Variants in RBFOX1 observed in about 807,000 individuals in gnomAD.
RBFOX1 encodes RNA binding fox-1 homolog 1, also known as RNA binding protein fox-1 homolog 1.
RBFOX1 carries 8 observed loss-of-function variants against 57.7 expected under a neutral mutation model. That is an observed-to-expected ratio of 0.14 (90% confidence interval 0.08 to 0.25). RBFOX1 has a LOEUF of 0.25. RBFOX1 is among the 10% of genes least tolerant of loss of function. RBFOX1 has a pLI of 1.00. For synonymous variants in RBFOX1, 326 were observed against 222.4 expected, an observed-to-expected ratio of 1.47 and a Z score of -4.15; for missense variants, 611 against 548.5, an observed-to-expected ratio of 1.11 and a Z score of -1.14.
intron 4 of RBFOX1, among the ~76,000 whole-genome samples, chr16:5,885,927 G>A (rs1231580322): frequency 6.6e-6 from 1 of 152,112 alleles, no homozygotes; most frequent in Admixed American, 6.5e-5. Flanking sequence ...CTGGAGGAGG[G>A]TCCAGGTGGG....
chr16:6,939,446 C>A (rs78264411), intron 3 of RBFOX1, among the ~76,000 whole-genome samples: 1 of 149,956 alleles, frequency 6.7e-6, no homozygotes, highest in African/African-American at 2.5e-5. Flanking sequence ...CTGTTTTTAT[C>A]TGGGTTAATG....
At chr16:7,509,390 CTGTGTGTG>C (rs34760329) in intron 4 of RBFOX1, among the ~76,000 whole-genome samples, 345 of 145,086 alleles carry the variant, frequency 2.4e-3, no homozygotes, top group East Asian at 4.5e-3. Flanking sequence ...GAGCCAAGCC[CTGTGTGTG>C]TGTGTGTGTG....
chr16:5,743,842 C>T (rs2052871195), intron 3 of RBFOX1, among the ~76,000 whole-genome samples: 1 of 152,130 alleles, frequency 6.6e-6, no homozygotes, highest in Admixed American at 6.6e-5. Flanking sequence ...TGCACCCAGC[C>T]TTGCAATGAA....
intron 4 of RBFOX1, among the ~76,000 whole-genome samples, chr16:7,446,541 G>A (rs570722426): frequency 6.6e-6 from 1 of 152,244 alleles, no homozygotes; most frequent in South Asian, 2.1e-4. Context: ...GATGTTAATT[G>A]CATTTCTACC....
intron 3 of RBFOX1, among the ~76,000 whole-genome samples, chr16:5,816,108 T>C (rs1201205015): frequency 2.6e-5 from 4 of 152,110 alleles, no homozygotes; most frequent in African/African-American, 9.7e-5. Flanking sequence ...GGATGACGGG[T>C]AGCATTAGTT....
At chr16:6,785,738 A>C (rs73530747) in intron 3 of RBFOX1, among the ~76,000 whole-genome samples, 17 of 152,202 alleles carry the variant, frequency 1.1e-4, no homozygotes, top group African/African-American at 4.1e-4. Flanking sequence ...TGAAATACCA[A>C]TTCCACTATT....
intron 15 of RBFOX1, chr16:7,709,902 T>C (rs1483690728): frequency 9.4e-7 from 1 of 1,066,304 alleles, no homozygotes; most frequent in South Asian, 3.4e-5. Context: ...TGGCATGCAG[T>C]TTTCTGCTTG....
chr16:6,466,164 G>C (rs1022067265), intron 2 of RBFOX1, among the ~76,000 whole-genome samples: 1 of 151,494 alleles, frequency 6.6e-6, no homozygotes, highest in Non-Finnish European at 1.5e-5. Context: ...GGGAGGCAGA[G>C]GTTGCAAGTG....
intron 4 of RBFOX1, among the ~76,000 whole-genome samples, chr16:7,175,482 G>A (rs561324020): frequency 4.6e-5 from 7 of 152,152 alleles, no homozygotes; most frequent in Non-Finnish European, 1.0e-4. Context: ...GTGACAGGGA[G>A]CTGAGACTTT....
chr16:5,904,367 C>A (rs1463871521), intron 4 of RBFOX1, among the ~76,000 whole-genome samples: 1 of 152,114 alleles, frequency 6.6e-6, no homozygotes, highest in Non-Finnish European at 1.5e-5. Context: ...GCTGCTCCAT[C>A]ACTTGGGGAC....
At chr16:7,227,591 C>T (rs1052310739) in intron 4 of RBFOX1, among the ~76,000 whole-genome samples, 9 of 152,130 alleles carry the variant, frequency 5.9e-5, no homozygotes, top group East Asian at 1.9e-4. Flanking sequence ...ATGCAAAGCC[C>T]GGATGCCAGC....
At chr16:5,889,726 C>T (rs2057999476) in intron 4 of RBFOX1, among the ~76,000 whole-genome samples, 1 of 152,200 alleles carries the variant, frequency 6.6e-6, no homozygotes, top group Non-Finnish European at 1.5e-5. Flanking sequence ...AGAGGGATCT[C>T]ACCTAGTCCT....
Position 5,430,380 on chromosome 16 carries a change from G to C in RBFOX1, c.220-36836G>C, listed in dbSNP as rs1016535396. The stretch of plus-strand genomic sequence containing the variant: ...GTGCAAAGGCCCTGTAGTAGAAAGG[G>C]AGGCATTTGAGAAACAGTGGGAGGG... On this transcript the variant is annotated intron_variant, in intron 1 of 2. Coordinates refer to the RBFOX1 transcript ENST00000585867. Among the ~76,000 whole-genome samples, 3 of 152,180 alleles carry C rather than the reference G, an allele frequency of 2.0e-5. No homozygotes were observed. The South Asian group carries it at 6.2e-4, about 32-fold the overall frequency.
intron 3 of RBFOX1, among the ~76,000 whole-genome samples, chr16:5,830,106 T>G (rs980156892): frequency 6.6e-6 from 1 of 152,208 alleles, no homozygotes; most frequent in Non-Finnish European, 1.5e-5. Flanking sequence ...AGCATCCATC[T>G]TGTGGGCTGC....
At chr16:6,214,632 GGA>G (rs2097320947) in intron 1 of RBFOX1, among the ~76,000 whole-genome samples, 1 of 118,828 alleles carries the variant, frequency 8.4e-6, no homozygotes, top group African/African-American at 3.3e-5. Context: ...AGAAAGACAG[GGA>G]GAGGGAGAGG....
At chr16:6,978,318 C>T (rs1020425443) in intron 3 of RBFOX1, among the ~76,000 whole-genome samples, 1 of 152,168 alleles carries the variant, frequency 6.6e-6, no homozygotes, top group South Asian at 2.1e-4. Context: ...AATTGGGATT[C>T]TTTTATCCCG....
rs1173891122 is a variant in RBFOX1, at chr16:6,676,151, CA to C, written c.-16+21502del. Among the ~76,000 whole-genome samples the C allele has an allele frequency of 6.3e-5, 7 of 111,164 alleles. No individual in the cohort carries two copies. In the South Asian group the frequency reaches 2.0e-3, roughly 32 times the overall value. The allele number at this position is 111,164 out of a possible 152,430, so 72.9% of individuals were successfully genotyped here. On this transcript the variant is annotated intron_variant, in intron 3 of 15. Transcript: ENST00000550418. Reference sequence around the variant, plus strand: ...GGACACACACACACGCGCACACACACACACACACACACACACACACACACAC... The same window carrying C: ...GGACACACACACACGCGCACACACACCACACACACACACACACACACACAC...
chr16:6,844,710 G>C (rs552450541), intron 3 of RBFOX1, among the ~76,000 whole-genome samples: 34 of 152,222 alleles, frequency 2.2e-4, no homozygotes, highest in African/African-American at 7.7e-4. Flanking sequence ...CCAGTAATTG[G>C]ATTGTTGGGT....
rs115467689 is a variant in RBFOX1, at chr16:6,850,595, C to T, written c.-16+195945C>T. Among the ~76,000 whole-genome samples, 759 of 152,266 alleles carry T rather than the reference C, an allele frequency of 5.0e-3. 10 individuals carry two copies. Among genetic ancestry groups the T allele is most frequent in the African/African-American group, 0.017 (722 of 41,548 alleles). ...CCCTACTGGCCTTAACAAATTAAAG[C>T]ACTTCTTCCCATGCCTTCCACAGAT... On this transcript the variant is annotated intron_variant, in intron 3 of 15. Coordinates refer to ENST00000550418, the MANE Select transcript of RBFOX1 (RefSeq NM_018723.4).
Sources: gnomAD v4.1 joint callset for allele counts (sites outside exome capture counted in the v4.1 genomes callset) on GRCh38, gnomAD v4.1.1 for gene constraint, MANE v1.5 for transcripts, NCBI Gene and HGNC (gene_info 2026-07-23, HGNC 2026-07-21) for gene names.